UST: variants seen among roughly 807,000 people sequenced by gnomAD.
UST encodes chondroitin sulfate 2-O-sulfotransferase.
A neutral mutation model predicts 45.6 loss-of-function variants in UST; 21 were observed. That is an observed-to-expected ratio of 0.46 (90% confidence interval 0.33 to 0.66). UST has a LOEUF of 0.66. UST is among the 30% of genes least tolerant of loss of function. The probability of loss-of-function intolerance (pLI) is 0.02; values close to 1 mark genes in which losing one functional copy is unlikely to be tolerated. For synonymous variants in UST, 215 were observed against 200.6 expected, an observed-to-expected ratio of 1.07 and a Z score of -0.61; for missense variants, 463 against 512.4, an observed-to-expected ratio of 0.90 and a Z score of 0.93.
intron 5 of UST, among the ~76,000 whole-genome samples, chr6:148,976,731 C>T (rs2486408): frequency 0.78 from 118,279 of 152,162 alleles, 46,149 homozygotes; most frequent in African/African-American, 0.86. Context: ...ACATTCTGAT[C>T]TCTAGAAACT....
At chr6:149,032,083 A>C (rs1934218) in intron 7 of UST, among the ~76,000 whole-genome samples, 46,716 of 151,986 alleles carry the variant, frequency 0.31, 7,749 homozygotes, top group African/African-American at 0.44. Flanking sequence ...CCCTGCCTTT[A>C]AGACGGCCCT....
chr6:149,012,920 G>A (rs1251772147), intron 5 of UST, among the ~76,000 whole-genome samples: 1 of 152,112 alleles, frequency 6.6e-6, no homozygotes, highest in Non-Finnish European at 1.5e-5. Flanking sequence ...ATCTTAACAG[G>A]TGAGTGGCAG....
At chr6:148,952,865 C>G (rs968741543) in intron 3 of UST, among the ~76,000 whole-genome samples, 4 of 152,008 alleles carry the variant, frequency 2.6e-5, no homozygotes, top group African/African-American at 9.7e-5. Flanking sequence ...ACCAGAAAAA[C>G]TAGGGAAAGA....
chr6:149,007,715 C>A (rs1026201594), intron 5 of UST, among the ~76,000 whole-genome samples: 1 of 152,010 alleles, frequency 6.6e-6, no homozygotes, highest in Non-Finnish European at 1.5e-5. Context: ...TGAGCCACCG[C>A]GCCCGACCTC....
At chr6:148,881,635 C>T (rs565855733) in intron 1 of UST, among the ~76,000 whole-genome samples, 1 of 152,218 alleles carries the variant, frequency 6.6e-6, no homozygotes, top group East Asian at 1.9e-4. Flanking sequence ...TTCTTCCCTT[C>T]CCCGAATTTA....
intron 1 of UST, among the ~76,000 whole-genome samples, chr6:148,802,379 C>A (rs867855760): frequency 6.6e-5 from 10 of 152,112 alleles, no homozygotes; most frequent in African/African-American, 1.9e-4. Context: ...TTGAAATTAT[C>A]TTTTTGTCAT....
rs56252604 is a variant in UST at position 148,865,664 on chromosome 6, T to TTGTG, written c.248-21275_248-21272dup. Among the ~76,000 whole-genome samples, 682 of 117,890 alleles carry TTGTG rather than the reference T, an allele frequency of 5.8e-3. 4 individuals carry two copies. Among genetic ancestry groups the TTGTG allele is most frequent in the Middle Eastern group, 0.026 (6 of 230 alleles). The allele number at this position is 117,890 out of a possible 152,430, so 77.3% of individuals were successfully genotyped here. Reference sequence around the variant, plus strand: ...TTGACCCATTCTTTCCTTGCTGAAATTGTGTGTGTGTGTGTGTGTGTGTGT... The same window carrying TTGTG: ...TTGACCCATTCTTTCCTTGCTGAAATTGTGTGTGTGTGTGTGTGTGTGTGTGTGT... On this transcript the variant is annotated intron_variant, in intron 1 of 7. Transcript: ENST00000367463.
At chr6:148,903,688 G>C (rs1385060938) in intron 2 of UST, among the ~76,000 whole-genome samples, 1 of 152,010 alleles carries the variant, frequency 6.6e-6, no homozygotes, top group African/African-American at 2.4e-5. Flanking sequence ...GACCGGAAGA[G>C]GAAATGCTCA....
At chr6:149,069,833 A>C (rs767544778) in intron 7 of UST, among the ~76,000 whole-genome samples, 1 of 152,354 alleles carries the variant, frequency 6.6e-6, no homozygotes. Context: ...CATTATATAG[A>C]CCAACATTTT....
intron 7 of UST, among the ~76,000 whole-genome samples, chr6:149,026,971 T>G (rs938947809): frequency 2.6e-5 from 4 of 152,152 alleles, no homozygotes; most frequent in Non-Finnish European, 5.9e-5. Context: ...AAATCCTAAC[T>G]TTGAGGATTT....
chr6:149,006,499 A>G (rs1032114124), intron 5 of UST, among the ~76,000 whole-genome samples: 3 of 152,174 alleles, frequency 2.0e-5, no homozygotes, highest in Non-Finnish European at 4.4e-5. Context: ...TCTATCACCA[A>G]TGGGCATTTG....
At chr6:149,061,283 C>T (rs937426354) in intron 7 of UST, among the ~76,000 whole-genome samples, 2 of 152,150 alleles carry the variant, frequency 1.3e-5, no homozygotes, top group Admixed American at 6.5e-5. Flanking sequence ...GTGGGACTCC[C>T]AGGAACAGGT....
intron 7 of UST, among the ~76,000 whole-genome samples, chr6:149,024,593 G>A (rs919429355): frequency 1.3e-5 from 2 of 152,180 alleles, no homozygotes; most frequent in South Asian, 4.1e-4. Flanking sequence ...TAGCCTCAGG[G>A]AAGACTTAGC....
chr6:148,827,032 G>A (rs1777581570), intron 1 of UST, among the ~76,000 whole-genome samples: 1 of 152,052 alleles, frequency 6.6e-6, no homozygotes, highest in South Asian at 2.1e-4. Context: ...CTGGGAGTTA[G>A]GCCATAAACA....
At chr6:148,782,673 G>T (rs983685964) in intron 1 of UST, among the ~76,000 whole-genome samples, 1 of 151,950 alleles carries the variant, frequency 6.6e-6, no homozygotes, top group Non-Finnish European at 1.5e-5. Context: ...CTGGTCTCTC[G>T]AACTCCTGAT....
At position 149,076,009 on chromosome 6, in the gene UST, A is replaced by C. The variant is rs1446545973; in HGVS notation, c.*1893A>C. The C allele has an allele frequency of 1.3e-5, 2 of 152,714 alleles. No individual in the cohort carries two copies. Among genetic ancestry groups the C allele is most frequent in the Non-Finnish European group, 2.9e-5 (2 of 68,094 alleles). The allele number at this position is 152,714 out of a possible 1,614,324, so 9.5% of individuals were successfully genotyped here. A position where few individuals can be genotyped will look rare whatever the true frequency, so the allele number is the denominator to read the frequency against. ...ATGAGATGTGTGTTAAGAAGGCTGC[A>C]GCCCACAGGAGTCCAGGGAAGGCGG... On this transcript the variant is annotated 3_prime_UTR_variant, in exon 8 of 8. Transcript: ENST00000367463.
At chr6:148,991,442 T>C (rs1436014805) in intron 5 of UST, among the ~76,000 whole-genome samples, 1 of 151,822 alleles carries the variant, frequency 6.6e-6, no homozygotes, top group African/African-American at 2.4e-5. Context: ...ACATGTGCCA[T>C]GTTGGTGTGC....
At chr6:148,964,627 G>A (rs933919348) in intron 5 of UST, 64 bp downstream of exon 5, 1 of 1,592,944 alleles carries the variant, frequency 6.3e-7, no homozygotes, top group Non-Finnish European at 8.6e-7. Flanking sequence ...CTCCACCAGG[G>A]AAGGTTCACT....
intron 2 of UST, among the ~76,000 whole-genome samples, chr6:148,910,134 C>CTTTTTTTTT (rs148286486): frequency 1.9e-5 from 2 of 103,444 alleles, no homozygotes; most frequent in African/African-American, 3.9e-5. Context: ...GCCTGGGATG[C>CTTTTTTTTT]TTTTTTTTTT....
Sources: allele counts gnomAD v4.1 joint callset (sites outside exome capture counted in the v4.1 genomes callset), GRCh38; gene constraint gnomAD v4.1.1; transcripts MANE v1.5; gene names NCBI Gene and HGNC (gene_info 2026-07-23, HGNC 2026-07-21).